The following PLXNA2 variants were observed in gnomAD, a reference collection of about 807,000 sequenced individuals.
The protein encoded by PLXNA2 is plexin A2.
A neutral mutation model predicts 193.5 loss-of-function variants in PLXNA2; 91 were observed. That is an observed-to-expected ratio of 0.47 (90% CI 0.40 to 0.56). The LOEUF is 0.56. PLXNA2 is among the 20% of genes least tolerant of loss of function. The probability of loss-of-function intolerance (pLI) is 0.00; values close to 1 mark genes in which losing one functional copy is unlikely to be tolerated. For synonymous variants in PLXNA2, 997 were observed against 1,027.3 expected, an observed-to-expected ratio of 0.97 and a Z score of 0.56; for missense variants, 1,995 against 2,503.2, an observed-to-expected ratio of 0.80 and a Z score of 4.33.
Position 208,044,992 on chromosome 1 carries a change from G to C in PLXNA2, c.3639+75C>G. The C allele has an allele frequency of 1.3e-6, 2 of 1,558,096 alleles. No individual in the cohort carries two copies. The highest frequency in any genetic ancestry group is 1.8e-6 in the Non-Finnish European group (2 of 1,133,160). On this transcript the variant is annotated intron_variant, in intron 19 of 31. Coordinates refer to ENST00000367033, the MANE Select transcript of PLXNA2 (RefSeq NM_025179.4). The surrounding 1 kb of genome is among the most constrained non-coding windows in gnomAD (Gnocchi z 4.9). Reference sequence around the variant, plus strand: ...GTGAGTCAGGCAACGAGACAGAAGAGAGCCTTTCCTTAGGACAGATCACAC... The same window carrying C: ...GTGAGTCAGGCAACGAGACAGAAGACAGCCTTTCCTTAGGACAGATCACAC...
intron 4 of PLXNA2, among the ~76,000 whole-genome samples, chr1:208,138,056 C>T (rs1397128440): frequency 6.6e-6 from 1 of 152,148 alleles, no homozygotes; most frequent in East Asian, 1.9e-4. Context: ...AAAACCCATT[C>T]CCATGATATC....
chr1:208,105,740 G>A (rs1428880732), intron 4 of PLXNA2, among the ~76,000 whole-genome samples: 1 of 152,238 alleles, frequency 6.6e-6, no homozygotes, highest in Non-Finnish European at 1.5e-5. Flanking sequence ...TGCCTGGGAG[G>A]CTTCCGCTGG....
chr1:208,089,233 AT>A (rs780375943), intron 9 of PLXNA2, among the ~76,000 whole-genome samples: 31 of 152,162 alleles, frequency 2.0e-4, no homozygotes, highest in Non-Finnish European at 4.1e-4. Flanking sequence ...CAGTTTCTCC[AT>A]CTGTGGAGAT....
chr1:208,160,647 G>A (rs914696360), intron 3 of PLXNA2, among the ~76,000 whole-genome samples: 4 of 152,192 alleles, frequency 2.6e-5, no homozygotes, highest in African/African-American at 9.7e-5. Context: ...GCACAGATTT[G>A]GTTTTGGTCT....
At position 208,236,163 on chromosome 1, in the gene PLXNA2, G is replaced by C. The variant is rs757422003; in HGVS notation, c.-81+7480C>G. Among the ~76,000 whole-genome samples the C allele has an allele frequency of 2.0e-5, 3 of 152,172 alleles. No homozygotes were observed. The highest frequency in any genetic ancestry group is 7.2e-5 in the African/African-American group (3 of 41,446). On this transcript the variant is annotated intron_variant, in intron 1 of 31. Transcript: ENST00000367033. The surrounding 1 kb of genome is among the most constrained non-coding windows in gnomAD (Gnocchi z 4.4). ...GGCCTCCTGCCTGTGGACGGGGAAG[G>C]AGCCTGGGTCTTCCTGTCTGGCTTG...
intron 5 of PLXNA2, among the ~76,000 whole-genome samples, chr1:208,100,795 G>A (rs1438643624): frequency 6.6e-6 from 1 of 152,162 alleles, no homozygotes; most frequent in Non-Finnish European, 1.5e-5. Flanking sequence ...CTTCATCTCG[G>A]GCTCTAGGCT....
At chr1:208,207,151 A>T (rs1381150221) in intron 3 of PLXNA2, among the ~76,000 whole-genome samples, 1 of 152,186 alleles carries the variant, frequency 6.6e-6, no homozygotes, top group East Asian at 1.9e-4. Flanking sequence ...GACTACAGGC[A>T]TGTGCCACCA....
At chr1:208,139,514 G>A (rs1224238091) in intron 4 of PLXNA2, among the ~76,000 whole-genome samples, 1 of 152,208 alleles carries the variant, frequency 6.6e-6, no homozygotes, top group Non-Finnish European at 1.5e-5. Context: ...GCCTCACACT[G>A]ACCTTGTGTG....
intron 29 of PLXNA2, chr1:208,030,621 T>C: frequency 7.1e-6 from 7 of 985,124 alleles, no homozygotes; most frequent in African/African-American, 3.5e-5. Context: ...GGGGCTGGGG[T>C]TGGCTTTTTC....
chr1:208,088,639 G>A (rs974339893), intron 9 of PLXNA2, among the ~76,000 whole-genome samples: 6 of 152,244 alleles, frequency 3.9e-5, no homozygotes, highest in Admixed American at 1.3e-4. Context: ...GATCTGCTGT[G>A]CTCTGAGTGC....
rs540900096 is a variant in PLXNA2, at chr1:208,028,381, C to T, written c.5439-222G>A. 1.3e-5 allele frequency among the ~76,000 whole-genome samples: 2 copies of T among 152,268 alleles called. No homozygotes were observed. The highest frequency in any genetic ancestry group is 2.1e-4 in the South Asian group (1 of 4,818). On this transcript the variant is annotated intron_variant, in intron 30 of 31. Transcript: ENST00000367033. This position sits in a 1 kb window ranked among gnomAD's most constrained non-coding sequence, Gnocchi z 4.2. ...CCATCTAGCCGAGAGCTCGTGGCTGCGGTGCCCAACAGAGTGGTTAAAAGC... is the reference window on the plus strand; with the variant it reads ...CCATCTAGCCGAGAGCTCGTGGCTGTGGTGCCCAACAGAGTGGTTAAAAGC...
intron 5 of PLXNA2, among the ~76,000 whole-genome samples, chr1:208,100,804 C>T (rs1019039310): frequency 1.3e-4 from 20 of 152,220 alleles, no homozygotes; most frequent in Non-Finnish European, 1.5e-5. Flanking sequence ...GGGCTCTAGG[C>T]TCCCCTGCCC....
Position 208,052,460 on chromosome 1 carries a change from G to C in PLXNA2, c.2860C>G (p.Pro954Ala), listed in dbSNP as rs147629478. ...KSHQQYTFVN[P>A]SVLSLNPIRG... The stretch of plus-strand genomic sequence containing the variant: ...ATTGGGTTGAGTGACAGCACAGAAG[G>C]GTTCTTTGGAAAGAAGCAGAGAAAT... The change falls in exon 15 of 32, where the codon CCT becomes GCT. Residue 954 changes from proline (P) to alanine (A), a missense_variant. Physicochemically the swap from Pro to Ala is conservative, Grantham distance 27. Transcript: ENST00000367033. 69 of 1,613,880 alleles carry C rather than the reference G, an allele frequency of 4.3e-5. No individual in the cohort carries two copies. Among genetic ancestry groups the C allele is most frequent in the African/African-American group, 3.3e-4 (25 of 75,002 alleles).
At chr1:208,183,841 G>A (rs747639976) in intron 3 of PLXNA2, among the ~76,000 whole-genome samples, 9 of 152,062 alleles carry the variant, frequency 5.9e-5, no homozygotes, top group Non-Finnish European at 1.3e-4. Flanking sequence ...GGCTTTCATG[G>A]TACCCTAGAC....
At chr1:208,187,702 T>C (rs1670052574) in intron 3 of PLXNA2, among the ~76,000 whole-genome samples, 1 of 152,192 alleles carries the variant, frequency 6.6e-6, no homozygotes, top group South Asian at 2.1e-4. Flanking sequence ...CAGGATCTTG[T>C]AAAAGTCCCT....
chr1:208,122,055 C>T (rs1667823512), intron 4 of PLXNA2, among the ~76,000 whole-genome samples: 1 of 152,118 alleles, frequency 6.6e-6, no homozygotes, highest in South Asian at 2.1e-4. Flanking sequence ...CTCTCTCTGG[C>T]TGGTAGTGAA....
intron 3 of PLXNA2, among the ~76,000 whole-genome samples, chr1:208,198,513 G>C (rs1670431831): frequency 6.6e-6 from 1 of 152,218 alleles, no homozygotes; most frequent in Admixed American, 6.5e-5. Flanking sequence ...AGTCAGCTGG[G>C]GACTGTGTGT....
intron 5 of PLXNA2, among the ~76,000 whole-genome samples, chr1:208,099,216 C>T (rs1452534611): frequency 6.6e-6 from 1 of 152,192 alleles, no homozygotes; most frequent in African/African-American, 2.4e-5. Context: ...AAAGAATTAA[C>T]AGTGGAGGGT....
In PLXNA2 at chr1:208,103,098, C is replaced by T. The variant is rs1667148214; in HGVS notation, c.1607+49G>A. The stretch of plus-strand genomic sequence containing the variant: ...GTCATATCCCATCATTCCCGGAAAG[C>T]CCCGGTCTTCTGCATGCCAAACCCT... On this transcript the variant is annotated intron_variant, in intron 5 of 31. Transcript: ENST00000367033. The T allele has an allele frequency of 3.1e-6, 4 of 1,292,040 alleles. No homozygotes were observed. In the South Asian group the frequency reaches 3.6e-5, roughly 12 times the overall value. 80.0% of individuals were successfully genotyped at this position (1,292,040 alleles called of 1,614,324 possible). A position where few individuals can be genotyped will look rare whatever the true frequency, so the allele number is the denominator to read the frequency against.
Sources: allele counts gnomAD v4.1 joint callset (sites outside exome capture counted in the v4.1 genomes callset), GRCh38; gene constraint gnomAD v4.1.1; non-coding constraint Gnocchi (gnomAD v3.1); transcripts MANE v1.5; gene names NCBI Gene and HGNC (gene_info 2026-07-23, HGNC 2026-07-21).